Variants in SLC4A7 observed in about 807,000 individuals in gnomAD.
The protein encoded by SLC4A7 is solute carrier family 4 member 7.
In SLC4A7, 51 loss-of-function variants were observed where a neutral mutation model predicts 137.6. That is an observed-to-expected ratio of 0.37 (90% CI 0.30 to 0.47). The LOEUF is 0.47. Among genes scored for constraint, SLC4A7 ranks in the 20% least tolerant of loss-of-function variants. The pLI is 1.00. For missense variants in SLC4A7, 1,247 were observed against 1,525.4 expected (o/e 0.82, Z 3.04); for synonymous variants, 542 against 518.6 (o/e 1.05, Z -0.61).
In SLC4A7 at chr3:27,376,773, A is replaced by G. The variant is rs761684930; in HGVS notation, c.3771T>C (p.Thr1257=). Residue 1257 remains threonine (T), a synonymous_variant, in exon 26 of 26, where the codon ACT becomes ACC. Transcript: ENST00000454389. ...GCCTCTTGGTTCAATTCTATAATGAAGTTTCAGCATCCACGTATTTCTTTC... is the reference window on the plus strand; with the variant it reads ...GCCTCTTGGTTCAATTCTATAATGAGGTTTCAGCATCCACGTATTTCTTTC... The part of the protein sequence containing the change: ...EPRKKYVDAE[T]SL The G allele has an allele frequency of 3.1e-6, 5 of 1,591,102 alleles. No individual in the cohort carries two copies. In the South Asian group the frequency reaches 5.6e-5, roughly 18 times the overall value.
chr3:27,440,622 G>A (rs1216226096), intron 3 of SLC4A7, among the ~76,000 whole-genome samples: 1 of 152,080 alleles, frequency 6.6e-6, no homozygotes, highest in East Asian at 1.9e-4. Context: ...CAGCTACTCA[G>A]GAGGCTGAGG....
rs754955614 is a variant in SLC4A7 at position 27,374,960 on chromosome 3, A to T, written c.*1804T>A. 4 of 152,436 alleles carry T rather than the reference A, an allele frequency of 2.6e-5. No homozygotes were observed. Among genetic ancestry groups the T allele is most frequent in the Non-Finnish European group, 2.9e-5 (2 of 67,880 alleles). 9.4% of individuals were successfully genotyped at this position (152,436 alleles called of 1,614,324 possible). A position where few individuals can be genotyped will look rare whatever the true frequency, so the allele number is the denominator to read the frequency against. On this transcript the variant is annotated 3_prime_UTR_variant, in exon 26 of 26. Coordinates refer to ENST00000454389, the MANE Select transcript of SLC4A7 (RefSeq NM_001321103.2). The stretch of plus-strand genomic sequence containing the variant: ...AAGCACCGTGGGTAATACTCTATCA[A>T]TTGCCAATAGAGTCTAACTCTTTTT...
At chr3:27,400,160 T>C (rs2052603471) in intron 16 of SLC4A7, among the ~76,000 whole-genome samples, 1 of 152,218 alleles carries the variant, frequency 6.6e-6, no homozygotes, top group African/African-American at 2.4e-5. Flanking sequence ...AAAATAAATA[T>C]TCTAGGATTA....
chr3:27,390,481 C>T (rs2150076358), intron 21 of SLC4A7, among the ~76,000 whole-genome samples: 1 of 152,304 alleles, frequency 6.6e-6, no homozygotes, highest in African/African-American at 2.4e-5. Flanking sequence ...TTCTAAGGTT[C>T]TTCACAAATT....
intron 1 of SLC4A7, among the ~76,000 whole-genome samples, chr3:27,480,332 C>G (rs914195796): frequency 6.6e-6 from 1 of 152,198 alleles, no homozygotes; most frequent in Admixed American, 6.5e-5. Flanking sequence ...CTCCCAGGCT[C>G]AAGTGATCCT....
chr3:27,395,088 T>A lies in SLC4A7; in HGVS notation c.2731A>T (p.Ile911Leu). ...EPTHPERGWI[I>L]SPLGDNPWWT... ...CAAGGATTATCTCCCAGTGGGCTTA[T>A]GATCCACCCTCTCTCTGGATGAGTA... is the stretch of plus-strand genomic sequence containing the variant. The change falls in exon 19 of 26, where the codon ATA (isoleucine) becomes TTA (leucine). Residue 911 changes from isoleucine to leucine, a missense_variant. Around this residue, in one of 6 missense-constraint regions of SLC4A7, gnomAD observed 499 missense variants for 664.2 expected, o/e 0.75. Coordinates refer to ENST00000454389, the MANE Select transcript of SLC4A7 (RefSeq NM_001321103.2). 6.3e-7 allele frequency: 1 copy of A among 1,597,076 alleles called. No homozygotes were observed. Among genetic ancestry groups the A allele is most frequent in the Non-Finnish European group, 8.5e-7 (1 of 1,175,492 alleles).
At position 27,484,148 on chromosome 3, in the gene SLC4A7, C is replaced by T. The variant is rs1294394306; in HGVS notation, c.-22G>A. ...CCATGGCCGGCCGGCCAGCCCGTGA[C>T]GGCCGCTACGGTACTGCCCCGCGCG... On this transcript the variant is annotated 5_prime_UTR_variant, in exon 1 of 26. Transcript: ENST00000454389. 4.4e-6 allele frequency: 6 copies of T among 1,355,906 alleles called. No homozygotes were observed. The Admixed American group carries it at 1.5e-4, about 35-fold the overall frequency. 84.0% of individuals were successfully genotyped at this position (1,355,906 alleles called of 1,614,324 possible). A position where few individuals can be genotyped will look rare whatever the true frequency, so the allele number is the denominator to read the frequency against.
At chr3:27,469,396 T>A (rs2059143476) in intron 1 of SLC4A7, among the ~76,000 whole-genome samples, 1 of 152,194 alleles carries the variant, frequency 6.6e-6, no homozygotes, top group Admixed American at 6.5e-5. Flanking sequence ...CATCCCCTAC[T>A]AATCACAAGT....
At chr3:27,483,260 G>A (rs1405446537) in intron 1 of SLC4A7, among the ~76,000 whole-genome samples, 1 of 152,236 alleles carries the variant, frequency 6.6e-6, no homozygotes, top group Non-Finnish European at 1.5e-5. Flanking sequence ...CATCACAAAT[G>A]GGAACACCGG....
rs1234099706 is a variant in SLC4A7, at chr3:27,461,540, G to A, written c.61-9042C>T. Among the ~76,000 whole-genome samples the A allele has an allele frequency of 2.0e-5, 3 of 151,468 alleles. No individual in the cohort carries two copies. The East Asian group carries it at 5.8e-4, about 29-fold the overall frequency. On this transcript the variant is annotated intron_variant, in intron 1 of 25. Transcript: ENST00000454389. ...TAATCCTACAACTTTGGTAGACCAA[G>A]GCTGGAGGATGGCTTGAGGATAGGA...
At chr3:27,483,934 C>T (rs2059832722) in intron 1 of SLC4A7, 133 bp downstream of exon 1, 3 of 615,896 alleles carry the variant, frequency 4.9e-6, no homozygotes, top group Admixed American at 4.8e-5. Flanking sequence ...GCGCGCCGGC[C>T]GCCGGGAGGT....
At position 27,398,246 on chromosome 3, in the gene SLC4A7, A is replaced by C. The variant is rs1482560536; in HGVS notation, c.2535T>G (p.Phe845Leu). The C allele has an allele frequency of 3.1e-6, 5 of 1,613,432 alleles. No homozygotes were observed. In the East Asian group the frequency reaches 1.1e-4, roughly 36 times the overall value. The change falls in exon 17 of 26, where the codon TTT becomes TTG. Residue 845 changes from phenylalanine to leucine, a missense_variant. Coordinates refer to ENST00000454389, the MANE Select transcript of SLC4A7 (RefSeq NM_001321103.2). ...FWCVILFFTT[F>L]FLSSFLKQFK... ...ATTGCTTGAGGAATGAAGACAGAAA[A>C]AATGTTGTGAAAAACAAGATGACAC...
intron 1 of SLC4A7, among the ~76,000 whole-genome samples, chr3:27,478,443 G>A (rs1228571418): frequency 4.7e-5 from 7 of 150,306 alleles, no homozygotes; most frequent in Non-Finnish European, 5.9e-5. Context: ...GCTTGAACCC[G>A]GGGGACGGAG....
At chr3:27,403,817 TA>T (rs1158036881) in intron 14 of SLC4A7, among the ~76,000 whole-genome samples, 2 of 152,120 alleles carry the variant, frequency 1.3e-5, no homozygotes, top group African/African-American at 4.8e-5. Context: ...CCAACATCAT[TA>T]CCATCACTAC....
intron 1 of SLC4A7, among the ~76,000 whole-genome samples, chr3:27,475,682 T>C (rs972921679): frequency 1.3e-5 from 2 of 152,194 alleles, no homozygotes; most frequent in Non-Finnish European, 2.9e-5. Context: ...ACAAACAGGC[T>C]TATAACAAAA....
At chr3:27,389,541 A>C (rs1020184660) in intron 22 of SLC4A7, among the ~76,000 whole-genome samples, 2 of 152,286 alleles carry the variant, frequency 1.3e-5, no homozygotes, top group Middle Eastern at 3.4e-3. Flanking sequence ...GGTAGCCTTC[A>C]TTACTTTTTA....
chr3:27,394,801 A>C, intron 19 of SLC4A7, 32 bp from the exon 20 acceptor site: 3 of 1,598,942 alleles, frequency 1.9e-6, no homozygotes, highest in Non-Finnish European at 2.6e-6. Flanking sequence ...AATATCTGTA[A>C]GTCTAAATGG....
chr3:27,389,100 T>TA (rs1185197914), intron 22 of SLC4A7, among the ~76,000 whole-genome samples: 13 of 151,892 alleles, frequency 8.6e-5, no homozygotes, highest in South Asian at 2.1e-4. Flanking sequence ...TTGATTTTTT[T>TA]AAAAAAAACA....
At chr3:27,448,294 C>T (rs1027698084) in intron 3 of SLC4A7, among the ~76,000 whole-genome samples, 8 of 150,840 alleles carry the variant, frequency 5.3e-5, no homozygotes, top group Non-Finnish European at 7.4e-5. Context: ...AATGTCTATC[C>T]ATTGCATATG....
Sources: allele counts gnomAD v4.1 joint callset (sites outside exome capture counted in the v4.1 genomes callset), GRCh38; gene constraint gnomAD v4.1.1; regional missense constraint gnomAD v4.1.1; transcripts MANE v1.5; gene names NCBI Gene and HGNC (gene_info 2026-07-23, HGNC 2026-07-21).